Variants in ARHGEF19 observed in about 807,000 individuals in gnomAD.
ARHGEF19 encodes the protein Rho guanine nucleotide exchange factor (GEF) 19.
A neutral mutation model predicts 87.6 loss-of-function variants in ARHGEF19; 92 were observed. The ratio of observed to expected loss-of-function variants is 1.05; its 90% CI spans 0.89 to 1.25. The LOEUF is 1.25. ARHGEF19 is among the 50% of genes most tolerant of loss of function. The probability of loss-of-function intolerance (pLI) is 0.00; values close to 1 mark genes in which losing one functional copy is unlikely to be tolerated. For missense variants in ARHGEF19, 1,054 were observed against 1,051.8 expected (o/e 1.00, Z -0.03); for synonymous variants, 438 against 446.2 (o/e 0.98, Z 0.23).
rs552965789 is a variant in ARHGEF19, at chr1:16,204,254, T to C, written c.1907+505A>G. Among the ~76,000 whole-genome samples, 8 of 151,462 alleles carry C rather than the reference T, an allele frequency of 5.3e-5. No homozygotes were observed. In the South Asian group the frequency reaches 1.7e-3, roughly 32 times the overall value. On this transcript the variant is annotated intron_variant, in intron 12 of 15. Transcript: ENST00000270747. Reference sequence around the variant, plus strand: ...AATCCCAGCTAATACTGAACAAGTGTTCACTGTGAGTCAGGCATGGTGCTG... The same window carrying C: ...AATCCCAGCTAATACTGAACAAGTGCTCACTGTGAGTCAGGCATGGTGCTG...
At position 16,206,435 on chromosome 1, in the gene ARHGEF19, C is replaced by T; in HGVS notation, c.1138-95G>A. 1 of 1,385,996 alleles carries T rather than the reference C, an allele frequency of 7.2e-7. No homozygotes were observed. Among genetic ancestry groups the T allele is most frequent in the Non-Finnish European group, 1.0e-6 (1 of 998,702 alleles). 85.9% of individuals were successfully genotyped at this position (1,385,996 alleles called of 1,614,324 possible). ...CCAGACCCCAGGACGCCACACCTCG[C>T]GTCCTCGCCCCTTCTCTAGCCCCAC... On this transcript the variant is annotated intron_variant, in intron 6 of 15. Coordinates refer to ENST00000270747, the MANE Select transcript of ARHGEF19 (RefSeq NM_153213.5). The surrounding 1 kb of genome is among the most constrained non-coding windows in gnomAD (Gnocchi z 4.6).
rs749606046 is a variant in ARHGEF19 at position 16,206,998 on chromosome 1, C to G, written c.1087G>C (p.Gly363Arg). The G allele has an allele frequency of 4.0e-6, 6 of 1,517,122 alleles. No individual in the cohort carries two copies. The highest frequency in any genetic ancestry group is 2.9e-5 in the African/African-American group (2 of 69,036). 94.0% of individuals were successfully genotyped at this position (1,517,122 alleles called of 1,614,324 possible). Residue 363 changes from glycine to arginine, a missense_variant, in exon 6 of 16, where the codon GGC (glycine) becomes CGC (arginine). By Grantham distance (125) the Gly-to-Arg change is moderately radical (BLOSUM62 -2). Coordinates refer to ENST00000270747, the MANE Select transcript of ARHGEF19 (RefSeq NM_153213.5). This position sits in a 1 kb window ranked among gnomAD's most constrained non-coding sequence, Gnocchi z 4.6. ...SLWQDIPDVR[G>R]SGVLATLSLR... Reference sequence around the variant, plus strand: ...CTCAGCGTGGCCAGGACGCCGCTGCCGCGTACGTCGGGGATATCCTGCCAC... The same window carrying G: ...CTCAGCGTGGCCAGGACGCCGCTGCGGCGTACGTCGGGGATATCCTGCCAC...
rs763800522 is a variant in ARHGEF19, at chr1:16,207,964, C to G, written c.674G>C (p.Gly225Ala). 3.1e-6 allele frequency: 5 copies of G among 1,607,824 alleles called. No homozygotes were observed. The East Asian group carries it at 9.0e-5, about 29-fold the overall frequency. ...GGTACCTTCCCGGGCTGCTCCGGTG[C>G]CTGACCCAGAGATGAGTGCCCGGGC... ...SAARALISGS[G>A]TGAAREGKAS... is the part of the protein sequence containing the mutation. The change falls in exon 3 of 16, where the codon GGC becomes GCC. Residue 225 changes from glycine (G) to alanine (A), a missense_variant. Gly to Ala is a moderately conservative substitution (Grantham distance 60). Transcript: ENST00000270747. The surrounding 1 kb of genome is among the most constrained non-coding windows in gnomAD (Gnocchi z 4.0).
Position 16,208,629 on chromosome 1 carries a change from C to T in ARHGEF19, c.412+14G>A. On this transcript the variant is annotated intron_variant, in intron 2 of 15. Transcript: ENST00000270747. ...GCCATGGCACCCACACCCGCCTTCC[C>T]CAGGGTGACTCACAGGCAGACTTCT... 2 of 1,593,476 alleles carry T rather than the reference C, an allele frequency of 1.3e-6. No homozygotes were observed. The highest frequency in any genetic ancestry group is 1.7e-4 in the Middle Eastern group (1 of 5,964).
rs2081159745 is a variant in ARHGEF19, at chr1:16,207,842, C to G, written c.695-65G>C. On this transcript the variant is annotated intron_variant, in intron 3 of 15. Transcript: ENST00000270747. The surrounding 1 kb of genome is among the most constrained non-coding windows in gnomAD (Gnocchi z 4.0). ...TGGGCCTGGGGCCTGGGCCCCGGCC[C>G]AGGCACCCTGACGGCCTCAGGCGGC... 6.3e-7 allele frequency: 1 copy of G among 1,588,324 alleles called. No individual in the cohort carries two copies. Among genetic ancestry groups the G allele is most frequent in the Admixed American group, 1.8e-5 (1 of 54,680 alleles).
In ARHGEF19 at chr1:16,208,612, A is replaced by C. The variant is rs780393323; in HGVS notation, c.412+31T>G. The C allele has an allele frequency of 7.7e-6, 12 of 1,566,448 alleles. No homozygotes were observed. In the East Asian group the frequency reaches 2.5e-4, roughly 33 times the overall value. ...CCCTCCCCTATCCCCCTGCCATGGC[A>C]CCCACACCCGCCTTCCCCAGGGTGA... On this transcript the variant is annotated intron_variant, in intron 2 of 15. Transcript: ENST00000270747.
Position 16,206,270 on chromosome 1 carries a change from A to G in ARHGEF19, c.1208T>C (p.Leu403Ser). 3 of 1,588,324 alleles carry G rather than the reference A, an allele frequency of 1.9e-6. No individual in the cohort carries two copies. Among genetic ancestry groups the G allele is most frequent in the Non-Finnish European group, 2.6e-6 (3 of 1,167,786 alleles). Reference protein sequence around the residue: ...HSLSVAVGHFLGSAELSECLG... With the variant: ...HSLSVAVGHFSGSAELSECLG... ...ACACTCGCTCAGCTCGGCAGAGCCT[A>G]AGAAGTGGCCCACAGCCACCGACAG... Residue 403 changes from leucine to serine, a missense_variant, in exon 7 of 16, where the codon TTA becomes TCA. By Grantham distance (145) the Leu-to-Ser change is moderately radical. Transcript: ENST00000270747. The surrounding 1 kb of genome is among the most constrained non-coding windows in gnomAD (Gnocchi z 4.6).
rs187723179 is a variant in ARHGEF19 at position 16,198,549 on chromosome 1, C to A, written c.*38G>T. ...AGGCCCCTCCAGGACCATCCAGGAGCCAGGCATGGAGGTGGGGTCCTAGGC... is the reference window on the plus strand; with the variant it reads ...AGGCCCCTCCAGGACCATCCAGGAGACAGGCATGGAGGTGGGGTCCTAGGC... On this transcript the variant is annotated 3_prime_UTR_variant, in exon 16 of 16. Coordinates refer to ENST00000270747, the MANE Select transcript of ARHGEF19 (RefSeq NM_153213.5). This position sits in a 1 kb window ranked among gnomAD's most constrained non-coding sequence, Gnocchi z 4.1. The A allele has an allele frequency of 1.3e-6, 2 of 1,564,040 alleles. No individual in the cohort carries two copies. The highest frequency in any genetic ancestry group is 2.3e-5 in the East Asian group (1 of 44,398).
intron 13 of ARHGEF19, 89 bp downstream of exon 13, chr1:16,202,327 C>T (rs983949088): frequency 1.2e-5 from 17 of 1,467,182 alleles, no homozygotes; most frequent in African/African-American, 2.8e-5. Context: ...CAGGGGTGCC[C>T]GCCATGGGGA....
At position 16,208,736 on chromosome 1, in the gene ARHGEF19, C is replaced by T; in HGVS notation, c.319G>A (p.Gly107Ser). 6.2e-7 allele frequency: 1 copy of T among 1,611,112 alleles called. No individual in the cohort carries two copies. The highest frequency in any genetic ancestry group is 8.5e-7 in the Non-Finnish European group (1 of 1,179,024). The change falls in exon 2 of 16, where the codon GGT becomes AGT. Residue 107 changes from glycine to serine, a missense_variant. Physicochemically the swap from Gly to Ser is moderately conservative, Grantham distance 56. Coordinates refer to ENST00000270747, the MANE Select transcript of ARHGEF19 (RefSeq NM_153213.5). The stretch of plus-strand genomic sequence containing the variant: ...CCCTCCAGAGCTGGGGGCTGGGCAC[C>T]AGGACAGTGTGGCCAGCTGCCAGCC... ...SRAGSWPHCP[G>S]AQPPALEGPW... is the part of the protein sequence containing the mutation.
chr1:16,201,654 C>A lies in ARHGEF19; in HGVS notation c.2146+128G>T, dbSNP rs888275382. On this transcript the variant is annotated intron_variant, in intron 14 of 15. Transcript: ENST00000270747. ...AGCCTTCAAGGTTCCTCAGAGCTAC[C>A]CCTGACTGCCCCAGAAGTTGGTCTC... 5 of 935,022 alleles carry A rather than the reference C, an allele frequency of 5.3e-6. No homozygotes were observed. In the African/African-American group the frequency reaches 8.4e-5, roughly 16 times the overall value. 57.9% of individuals were successfully genotyped at this position (935,022 alleles called of 1,614,324 possible).
rs1272951676 is a variant in ARHGEF19 at position 16,208,792 on chromosome 1, T to C, written c.263A>G (p.Glu88Gly). 8 of 1,613,408 alleles carry C rather than the reference T, an allele frequency of 5.0e-6. No individual in the cohort carries two copies. Among genetic ancestry groups the C allele is most frequent in the Non-Finnish European group, 6.8e-6 (8 of 1,179,790 alleles). The change falls in exon 2 of 16, where the codon GAG becomes GGG. Residue 88 changes from glutamate to glycine, a missense_variant. Physicochemically the swap from Glu to Gly is moderately conservative, Grantham distance 98. Transcript: ENST00000270747. ...WPLSPGGSDT[E>G]ITSGGMRPSR... ...GGGCCGCATCCCCCCGCTGGTGATC[T>C]CTGTATCTGAGCCTCCTGGGGATAA... is the stretch of plus-strand genomic sequence containing the variant.
chr1:16,206,305 G>C lies in ARHGEF19; in HGVS notation c.1173C>G (p.Tyr391Ter), dbSNP rs746193609. The change falls in exon 7 of 16, where the codon TAC becomes TAG. Residue 391 changes from tyrosine (Y) to a stop codon, truncating the protein, a stop_gained. Transcript: ENST00000270747. LOFTEE classifies it high-confidence loss of function. This position sits in a 1 kb window ranked among gnomAD's most constrained non-coding sequence, Gnocchi z 4.6. ...CCACAGCCACCGACAGGCTGTGGATGTAGGAGGCCTCGGAGGTGATCAGCT... is the reference window on the plus strand; with the variant it reads ...CCACAGCCACCGACAGGCTGTGGATCTAGGAGGCCTCGGAGGTGATCAGCT... ...KFELITSEAS[Y>*]IHSLSVAVGH... 3 of 1,583,074 alleles carry C rather than the reference G, an allele frequency of 1.9e-6. No homozygotes were observed. In the African/African-American group the frequency reaches 4.0e-5, roughly 21 times the overall value.
At position 16,202,591 on chromosome 1, in the gene ARHGEF19, G is replaced by T. The variant is rs775083175; in HGVS notation, c.1908-17C>A. 1.9e-6 allele frequency: 3 copies of T among 1,607,808 alleles called. No homozygotes were observed. The highest frequency in any genetic ancestry group is 2.6e-6 in the Non-Finnish European group (3 of 1,175,652). On this transcript the variant is annotated splice_polypyrimidine_tract_variant and intron_variant, in intron 12 of 15. Transcript: ENST00000270747. Reference sequence around the variant, plus strand: ...TTCCCTAGCCTGGAGGACCGGGGGAGGGGAGGTCAGCCTGGCCTGGGCCCT... The same window carrying T: ...TTCCCTAGCCTGGAGGACCGGGGGATGGGAGGTCAGCCTGGCCTGGGCCCT...
chr1:16,209,008 G>C lies in ARHGEF19; in HGVS notation c.47C>G (p.Pro16Arg). The change falls in exon 2 of 16, where the codon CCA becomes CGA. Residue 16 changes from proline to arginine, a missense_variant. Coordinates refer to ENST00000270747, the MANE Select transcript of ARHGEF19 (RefSeq NM_153213.5). ...PATLQPHLTG[P>R]PGTAHHPVAV... ...TACAGGGTGGTGGGCAGTGCCAGGTGGCCCAGTCAGGTGGGGCTGGAGGGT... is the reference window on the plus strand; with the variant it reads ...TACAGGGTGGTGGGCAGTGCCAGGTCGCCCAGTCAGGTGGGGCTGGAGGGT... The C allele has an allele frequency of 6.6e-7, 1 of 1,505,890 alleles. No individual in the cohort carries two copies. Among genetic ancestry groups the C allele is most frequent in the African/African-American group, 1.4e-5 (1 of 71,220 alleles). 93.3% of individuals were successfully genotyped at this position (1,505,890 alleles called of 1,614,324 possible).
chr1:16,205,291 C>A lies in ARHGEF19; in HGVS notation c.1656+60G>T. On this transcript the variant is annotated intron_variant, in intron 10 of 15. Coordinates refer to ENST00000270747, the MANE Select transcript of ARHGEF19 (RefSeq NM_153213.5). This position sits in a 1 kb window ranked among gnomAD's most constrained non-coding sequence, Gnocchi z 5.8. Reference sequence around the variant, plus strand: ...TGACAGCTGGGGGCTGTTTTAGAGACGTGCTGGGGGTCCAGGGGGGGCCTC... The same window carrying A: ...TGACAGCTGGGGGCTGTTTTAGAGAAGTGCTGGGGGTCCAGGGGGGGCCTC... 1 of 1,610,596 alleles carries A rather than the reference C, an allele frequency of 6.2e-7. No individual in the cohort carries two copies. The highest frequency in any genetic ancestry group is 1.1e-5 in the South Asian group (1 of 90,902).
chr1:16,204,797 G>T lies in ARHGEF19; in HGVS notation c.1869C>A (p.His623Gln). 1 of 1,613,260 alleles carries T rather than the reference G, an allele frequency of 6.2e-7. No homozygotes were observed. Among genetic ancestry groups the T allele is most frequent in the Non-Finnish European group, 8.5e-7 (1 of 1,179,458 alleles). Residue 623 changes from histidine to glutamine, a missense_variant, in exon 12 of 16, where the codon CAC (histidine) becomes CAA (glutamine). Coordinates refer to ENST00000270747, the MANE Select transcript of ARHGEF19 (RefSeq NM_153213.5). ...LKLSSKAVYL[H>Q]LFNDCLLLSR... ...AGAGCAGCAAGCAGTCATTGAAGAG[G>T]TGGAGGTAGACTGCCTTGCTGGACA...
Position 16,207,884 on chromosome 1 carries a change from C to CGG in ARHGEF19, c.694+59_694+60insCC. Reference sequence around the variant, plus strand: ...TCAGGCGGCCGGTGAGTGGGCATCGCCCACCCCCACCCCCACCCGGCATCT... The same window carrying CGG: ...TCAGGCGGCCGGTGAGTGGGCATCGCGGCCACCCCCACCCCCACCCGGCATCT... On this transcript the variant is annotated intron_variant, in intron 3 of 15. Transcript: ENST00000270747. This position sits in a 1 kb window ranked among gnomAD's most constrained non-coding sequence, Gnocchi z 4.0. 1.1e-5 allele frequency: 10 copies of CGG among 882,682 alleles called. No homozygotes were observed. The highest frequency in any genetic ancestry group is 1.7e-5 in the Non-Finnish European group (10 of 572,620). 54.7% of individuals were successfully genotyped at this position (882,682 alleles called of 1,614,324 possible). A position where few individuals can be genotyped will look rare whatever the true frequency, so the allele number is the denominator to read the frequency against.
chr1:16,206,441 CG>C lies in ARHGEF19; in HGVS notation c.1138-102del. 1 of 1,314,812 alleles carries C rather than the reference CG, an allele frequency of 7.6e-7. No homozygotes were observed. Among genetic ancestry groups the C allele is most frequent in the South Asian group, 1.3e-5 (1 of 78,022 alleles). 81.4% of individuals were successfully genotyped at this position (1,314,812 alleles called of 1,614,324 possible). ...CCCAGGACGCCACACCTCGCGTCCTCGCCCCTTCTCTAGCCCCACTCCTAAT... is the reference window on the plus strand; with the variant it reads ...CCCAGGACGCCACACCTCGCGTCCTCCCCCTTCTCTAGCCCCACTCCTAAT... On this transcript the variant is annotated intron_variant, in intron 6 of 15. Coordinates refer to ENST00000270747, the MANE Select transcript of ARHGEF19 (RefSeq NM_153213.5). This position sits in a 1 kb window ranked among gnomAD's most constrained non-coding sequence, Gnocchi z 4.6.
Sources: gnomAD v4.1 joint callset for allele counts (sites outside exome capture counted in the v4.1 genomes callset) on GRCh38, gnomAD v4.1.1 for gene constraint, Gnocchi (gnomAD v3.1) non-coding constraint, MANE v1.5 for transcripts, NCBI Gene and HGNC (gene_info 2026-07-23, HGNC 2026-07-21) for gene names.